ACAD11: variants seen among roughly 807,000 people sequenced by gnomAD.
The protein encoded by ACAD11 is acyl-CoA dehydrogenase family member 11.
A neutral mutation model predicts 102.2 loss-of-function variants in ACAD11; 83 were observed. The observed-to-expected ratio is 0.81, with a 90% CI of 0.68 to 0.97. The LOEUF (loss-of-function observed/expected upper bound fraction) is 0.97. Ranked by LOEUF, ACAD11 falls within the 50% of genes least tolerant of loss-of-function variation. The probability of loss-of-function intolerance (pLI) is 0.00; values close to 1 mark genes in which losing one functional copy is unlikely to be tolerated. For synonymous variants in ACAD11, 324 were observed against 319.8 expected, an observed-to-expected ratio of 1.01 and a Z score of -0.14; for missense variants, 901 against 951.7, an observed-to-expected ratio of 0.95 and a Z score of 0.70.
chr3:132,632,886 G>A (rs1402276201), intron 5 of ACAD11, among the ~76,000 whole-genome samples: 2 of 152,168 alleles, frequency 1.3e-5, no homozygotes, highest in Non-Finnish European at 2.9e-5. Context: ...GTCTGTTATT[G>A]GTATATATGA....
chr3:132,631,558 C>T, intron 5 of ACAD11, 79 bp from the exon 6 acceptor site: 1 of 1,084,676 alleles, frequency 9.2e-7, no homozygotes, highest in Admixed American at 3.3e-5. Flanking sequence ...ACATTGAACA[C>T]ATTCAAAATC....
At chr3:132,635,578 C>T (rs1576610627) in intron 5 of ACAD11, among the ~76,000 whole-genome samples, 1 of 152,102 alleles carries the variant, frequency 6.6e-6, no homozygotes. Flanking sequence ...AGTTAGTTAA[C>T]CTCTCTAATC....
At chr3:132,590,757 C>T (rs999668025) in intron 13 of ACAD11, among the ~76,000 whole-genome samples, 5 of 152,292 alleles carry the variant, frequency 3.3e-5, no homozygotes, top group African/African-American at 1.2e-4. Context: ...CTCTAATGAT[C>T]AGTGATATTG....
chr3:132,628,241 T>A, intron 8 of ACAD11, 99 bp downstream of exon 8: 1 of 668,020 alleles, frequency 1.5e-6, no homozygotes, highest in Non-Finnish European at 2.4e-6. Flanking sequence ...AATCCTGGTG[T>A]ATGCAATAAA....
At chr3:132,614,061 C>T (rs1271610109) in intron 11 of ACAD11, among the ~76,000 whole-genome samples, 1 of 152,150 alleles carries the variant, frequency 6.6e-6, no homozygotes, top group Non-Finnish European at 1.5e-5. Context: ...CTTGAGTGAA[C>T]TCCCATTCAC....
chr3:132,574,282 C>T (rs1196923915), intron 17 of ACAD11, among the ~76,000 whole-genome samples: 7 of 152,164 alleles, frequency 4.6e-5, no homozygotes, highest in Non-Finnish European at 1.0e-4. Context: ...AGCACCTCTT[C>T]ATCCTTCTTC....
At chr3:132,658,598 G>C (rs1303107249) in intron 1 of ACAD11, among the ~76,000 whole-genome samples, 26 of 152,168 alleles carry the variant, frequency 1.7e-4, no homozygotes, top group Admixed American at 1.7e-3. Context: ...ACAACACAAG[G>C]CTTCTAGCCT....
At chr3:132,641,603 GAGGAGGAAGAA>G (rs1559973787) in intron 4 of ACAD11, among the ~76,000 whole-genome samples, 4 of 140,602 alleles carry the variant, frequency 2.8e-5, no homozygotes, top group African/African-American at 8.1e-5. Flanking sequence ...AGAAGAAGAA[GAGGAGGAAGAA>G]GAGGAGGAAG....
At chr3:132,561,339 T>C in intron 17 of ACAD11, 122 bp from the exon 18 acceptor site, 1 of 745,872 alleles carries the variant, frequency 1.3e-6, no homozygotes, top group Non-Finnish European at 2.4e-6. Flanking sequence ...TCACAAGCTT[T>C]ACTCTATGTA....
At chr3:132,650,590 C>T (rs1940893846) in intron 1 of ACAD11, among the ~76,000 whole-genome samples, 1 of 152,104 alleles carries the variant, frequency 6.6e-6, no homozygotes, top group Non-Finnish European at 1.5e-5. Flanking sequence ...TACAGTTGCA[C>T]TTTATCCACA....
At chr3:132,610,794 A>C (rs1468876235) in intron 11 of ACAD11, among the ~76,000 whole-genome samples, 1 of 152,190 alleles carries the variant, frequency 6.6e-6, no homozygotes, top group Non-Finnish European at 1.5e-5. Flanking sequence ...TACCAGAGGT[A>C]GAAGAAGGAG....
At chr3:132,612,126 A>G (rs1005087076) in intron 11 of ACAD11, among the ~76,000 whole-genome samples, 6 of 152,086 alleles carry the variant, frequency 3.9e-5, no homozygotes, top group Non-Finnish European at 8.8e-5. Flanking sequence ...AAATGGGGAA[A>G]GGATTCCCTA....
At chr3:132,621,546 AAAC>A (rs1939607516) in intron 9 of ACAD11, among the ~76,000 whole-genome samples, 1 of 152,206 alleles carries the variant, frequency 6.6e-6, no homozygotes, top group Non-Finnish European at 1.5e-5. Flanking sequence ...GAAAAAAGGA[AAAC>A]AACAACAAAA....
chr3:132,578,815 C>G lies in ACAD11; in HGVS notation c.1755G>C (p.Leu585Phe). 1 of 1,612,826 alleles carries G rather than the reference C, an allele frequency of 6.2e-7. No homozygotes were observed. The highest frequency in any genetic ancestry group is 8.5e-7 in the Non-Finnish European group (1 of 1,179,446). ...NTPGVKIIRP[L>F]SVFGYTDNFH... ...ACCTACCTGTGTAGCCAAAAACTGA[C>G]AAAGGCCTTATTATTTTTACTCCAG... The change falls in exon 15 of 20, where the codon TTG (leucine) becomes TTC (phenylalanine). Residue 585 changes from leucine to phenylalanine, a missense_variant. By Grantham distance (22) the Leu-to-Phe change is conservative. Coordinates refer to ENST00000264990, the MANE Select transcript of ACAD11 (RefSeq NM_032169.5).
chr3:132,573,624 A>C (rs1362871652), intron 17 of ACAD11, among the ~76,000 whole-genome samples: 4 of 152,190 alleles, frequency 2.6e-5, no homozygotes, highest in Non-Finnish European at 5.9e-5. Context: ...GTGGTGAATA[A>C]ATATTTTTTG....
intron 12 of ACAD11, among the ~76,000 whole-genome samples, chr3:132,604,819 G>A (rs1357053347): frequency 6.6e-6 from 1 of 152,090 alleles, no homozygotes; most frequent in East Asian, 1.9e-4. Flanking sequence ...TTTTAGTAAT[G>A]ACATCAAAAA....
At chr3:132,629,344 G>A (rs62291515) in intron 7 of ACAD11, among the ~76,000 whole-genome samples, 2 of 152,128 alleles carry the variant, frequency 1.3e-5, no homozygotes, top group Non-Finnish European at 1.5e-5. Flanking sequence ...ATTTTTAGTA[G>A]ATACGGGGTT....
Position 132,559,993 on chromosome 3 carries a change from T to C in ACAD11, c.2119-51A>G, listed in dbSNP as rs562985847. On this transcript the variant is annotated intron_variant, in intron 18 of 19. Transcript: ENST00000264990. ...TGCTTCTTTCTTAGACTATACACAA[T>C]GTGGCAAAACTGGGAAATGAAACAA... The C allele has an allele frequency of 1.4e-5, 20 of 1,422,382 alleles. No homozygotes were observed. The East Asian group carries it at 4.6e-4, about 33-fold the overall frequency. 88.1% of individuals were successfully genotyped at this position (1,422,382 alleles called of 1,614,324 possible).
chr3:132,594,407 A>C (rs1050433299), intron 13 of ACAD11, among the ~76,000 whole-genome samples: 1 of 152,138 alleles, frequency 6.6e-6, no homozygotes, highest in African/African-American at 2.4e-5. Context: ...AAATAGACTA[A>C]AGATCTGAAT....
Sources: gnomAD v4.1 joint callset for allele counts (sites outside exome capture counted in the v4.1 genomes callset) on GRCh38, gnomAD v4.1.1 for gene constraint, MANE v1.5 for transcripts, NCBI Gene and HGNC (gene_info 2026-07-23, HGNC 2026-07-21) for gene names.